The following SDK1 variants were observed in gnomAD, a reference collection of about 807,000 sequenced individuals.
SDK1 encodes sidekick cell adhesion molecule 1.
SDK1 carries 157 observed loss-of-function variants against 245.5 expected under a neutral mutation model. The ratio of observed to expected loss-of-function variants is 0.64; its 90% CI spans 0.56 to 0.73. The LOEUF (loss-of-function observed/expected upper bound fraction) is 0.73, where lower values mean the gene tolerates loss of function less well. SDK1 is among the 30% of genes least tolerant of loss of function. SDK1 has a pLI of 0.00. For missense variants in SDK1, 3,583 were observed against 3,002.3 expected (o/e 1.19, Z -4.52); for synonymous variants, 1,647 against 1,278.5 (o/e 1.29, Z -6.15).
Position 4,164,910 on chromosome 7 carries a change from C to T in SDK1, c.4800+3054C>T, listed in dbSNP as rs1445809864. On this transcript the variant is annotated intron_variant, in intron 32 of 44. Transcript: ENST00000404826. ...ACGTCCTGTAGAAATAAATGCTTGT[C>T]AACTGCCAGGCAATTGAAGTATAAT... Among the ~76,000 whole-genome samples, 4 of 152,176 alleles carry T rather than the reference C, an allele frequency of 2.6e-5. No individual in the cohort carries two copies. The East Asian group carries it at 7.7e-4, about 29-fold the overall frequency.
rs573220482 is a variant in SDK1, at chr7:3,487,686, T to G, written c.299-131394T>G. 1.1e-3 allele frequency among the ~76,000 whole-genome samples: 166 copies of G among 144,974 alleles called. 1 individual carries two copies. Among genetic ancestry groups the G allele is most frequent in the African/African-American group, 4.0e-3 (158 of 39,346 alleles). On this transcript the variant is annotated intron_variant, in intron 1 of 44. Coordinates refer to ENST00000404826, the MANE Select transcript of SDK1 (RefSeq NM_152744.4). ...GGGAGGATCAGTTGATCCCAGGAAA[T>G]TGAGGCTGCAGTGAGCTGTGATCAT...
chr7:3,724,662 G>T (rs1778956883), intron 4 of SDK1, among the ~76,000 whole-genome samples: 1 of 152,218 alleles, frequency 6.6e-6, no homozygotes, highest in African/African-American at 2.4e-5. Flanking sequence ...TAGGCTGCCT[G>T]GTCCTTGGGT....
intron 1 of SDK1, chr7:3,338,286 A>G: frequency 4.2e-6 from 2 of 472,102 alleles, no homozygotes; most frequent in South Asian, 2.2e-5. Context: ...GAAGCCCCAC[A>G]AGTGTTACCA....
chr7:3,609,819 G>A (rs1252787774), intron 1 of SDK1, among the ~76,000 whole-genome samples: 2 of 151,458 alleles, frequency 1.3e-5, no homozygotes, highest in African/African-American at 4.9e-5. Flanking sequence ...TCCTGCCTCA[G>A]ACTCACAGGT....
At chr7:3,303,287 T>G (rs1779329930) in intron 1 of SDK1, among the ~76,000 whole-genome samples, 1 of 152,226 alleles carries the variant, frequency 6.6e-6, no homozygotes, top group East Asian at 1.9e-4. Context: ...TGAAGAAATC[T>G]AAATCACTTA....
intron 16 of SDK1, among the ~76,000 whole-genome samples, chr7:4,016,177 C>G (rs998803571): frequency 6.6e-6 from 1 of 152,272 alleles, no homozygotes; most frequent in Non-Finnish European, 1.5e-5. Flanking sequence ...AACCACAGAG[C>G]TCAGAGATCA....
intron 5 of SDK1, among the ~76,000 whole-genome samples, chr7:3,876,715 C>T (rs941955100): frequency 2.0e-5 from 3 of 152,152 alleles, no homozygotes; most frequent in South Asian, 2.1e-4. Context: ...TGGATACTTA[C>T]TGTCTTTTCT....
chr7:3,529,939 G>A (rs1471547330), intron 1 of SDK1, among the ~76,000 whole-genome samples: 2 of 152,100 alleles, frequency 1.3e-5, no homozygotes, highest in African/African-American at 2.4e-5. Flanking sequence ...TAGGGGACGT[G>A]GCAGAGAGGG....
chr7:3,872,088 G>C (rs766574983), intron 5 of SDK1, among the ~76,000 whole-genome samples: 27 of 152,220 alleles, frequency 1.8e-4, no homozygotes, highest in South Asian at 4.1e-4. Flanking sequence ...TGTTAATTTG[G>C]TGAATTGCAT....
intron 18 of SDK1, 57 bp downstream of exon 18, chr7:4,049,520 C>T (rs934384286): frequency 2.6e-5 from 35 of 1,358,636 alleles, no homozygotes; most frequent in Admixed American, 1.0e-4. Context: ...AGCCACAGCG[C>T]GACGCAGCTG....
chr7:3,587,857 G>A (rs1271494990), intron 1 of SDK1, among the ~76,000 whole-genome samples: 3 of 152,180 alleles, frequency 2.0e-5, no homozygotes, highest in African/African-American at 4.8e-5. Flanking sequence ...CCAGGGCAGG[G>A]GCCAGATCTT....
intron 40 of SDK1, among the ~76,000 whole-genome samples, chr7:4,224,722 T>G (rs946376885): frequency 6.6e-6 from 1 of 152,068 alleles, no homozygotes; most frequent in Non-Finnish European, 1.5e-5. Context: ...TTAAAAAGCC[T>G]GTAATCCCAG....
intron 1 of SDK1, among the ~76,000 whole-genome samples, chr7:3,331,758 G>T (rs777744535): frequency 4.1e-4 from 61 of 150,116 alleles, no homozygotes; most frequent in Admixed American, 7.9e-4. Context: ...TTTTTTTTTT[G>T]ATCTCAATCA....
At chr7:3,928,430 A>G (rs1458555385) in intron 5 of SDK1, among the ~76,000 whole-genome samples, 3 of 152,226 alleles carry the variant, frequency 2.0e-5, no homozygotes, top group Non-Finnish European at 2.9e-5. Flanking sequence ...ACACGTACAA[A>G]TATTATTTGA....
Position 3,705,594 on chromosome 7 carries a change from C to T in SDK1, c.713+63489C>T, listed in dbSNP as rs529566354. Among the ~76,000 whole-genome samples, 4 of 151,902 alleles carry T rather than the reference C, an allele frequency of 2.6e-5. No individual in the cohort carries two copies. In the East Asian group the frequency reaches 7.7e-4, roughly 29 times the overall value. Reference sequence around the variant, plus strand: ...TGTAGCAATGCTACTGATTGGTATACATTGATTTTTGTGAACTGAAACTTT... The same window carrying T: ...TGTAGCAATGCTACTGATTGGTATATATTGATTTTTGTGAACTGAAACTTT... On this transcript the variant is annotated intron_variant, in intron 4 of 44. Transcript: ENST00000404826.
intron 1 of SDK1, among the ~76,000 whole-genome samples, chr7:3,607,639 A>G (rs1781463834): frequency 6.6e-6 from 1 of 152,234 alleles, no homozygotes; most frequent in African/African-American, 2.4e-5. Context: ...TTTTCTTTAA[A>G]TTGAACAACT....
intron 4 of SDK1, chr7:3,643,433 C>A (rs151273186): frequency 4.0e-4 from 58 of 144,046 alleles, no homozygotes; most frequent in African/African-American, 1.4e-3. Context: ...CTCCTACCCC[C>A]ACCTGAGCAT....
chr7:3,981,974 G>T (rs912304467), intron 13 of SDK1, among the ~76,000 whole-genome samples: 4 of 152,208 alleles, frequency 2.6e-5, no homozygotes, highest in African/African-American at 9.7e-5. Flanking sequence ...TTTATGGGAA[G>T]AAGATACCAT....
Position 3,474,790 on chromosome 7 carries a change from A to G in SDK1, c.299-144290A>G, listed in dbSNP as rs1017358862. Among the ~76,000 whole-genome samples, 11 of 152,188 alleles carry G rather than the reference A, an allele frequency of 7.2e-5. 1 individual carries two copies. The highest frequency in any genetic ancestry group is 2.7e-4 in the African/African-American group (11 of 41,446). On this transcript the variant is annotated intron_variant, in intron 1 of 44. Transcript: ENST00000404826. ...ACTGCAGGCTGGAACTCCTGGGTTC[A>G]AGCGATCTTCCTACCACAACCTCTT...
Sources: gnomAD v4.1 joint callset for allele counts (sites outside exome capture counted in the v4.1 genomes callset) on GRCh38, gnomAD v4.1.1 for gene constraint, MANE v1.5 for transcripts, NCBI Gene and HGNC (gene_info 2026-07-23, HGNC 2026-07-21) for gene names.